The following PBX2 variants were observed in gnomAD, a reference collection of about 807,000 sequenced individuals.
PBX2 encodes the protein pre-B-cell leukemia transcription factor 2.
In PBX2, 10 loss-of-function variants were observed where a neutral mutation model predicts 46.5. The observed-to-expected ratio is 0.21, with a 90% CI of 0.13 to 0.36. The LOEUF (loss-of-function observed/expected upper bound fraction) is 0.36, where lower values mean the gene tolerates loss of function less well. Ranked by LOEUF, PBX2 falls within the 10% of genes least tolerant of loss-of-function variation. The pLI, the probability that PBX2 is intolerant of heterozygous loss-of-function variation, is 1.00. For synonymous variants in PBX2, 160 were observed against 222.5 expected, an observed-to-expected ratio of 0.72 and a Z score of 2.50; for missense variants, 392 against 580.5, an observed-to-expected ratio of 0.68 and a Z score of 3.34.
rs1400480365 is a variant in PBX2, at chr6:32,189,948, C to T, written c.-33G>A. On this transcript the variant is annotated 5_prime_UTR_variant, in exon 1 of 9. Transcript: ENST00000375050. This position sits in a 1 kb window ranked among gnomAD's most constrained non-coding sequence, Gnocchi z 4.7. Reference sequence around the variant, plus strand: ...GGGGGGCCCTGAGGCCCCCTCCCTGCTCCGCCCCTCCCCCCGCCTGGTTAC... The same window carrying T: ...GGGGGGCCCTGAGGCCCCCTCCCTGTTCCGCCCCTCCCCCCGCCTGGTTAC... 3.2e-6 allele frequency: 3 copies of T among 946,756 alleles called. No individual in the cohort carries two copies. The highest frequency in any genetic ancestry group is 4.4e-6 in the Non-Finnish European group (3 of 674,350). The allele number at this position is 946,756 out of a possible 1,614,324, so 58.6% of individuals were successfully genotyped here. A position where few individuals can be genotyped will look rare whatever the true frequency, so the allele number is the denominator to read the frequency against.
Position 32,186,914 on chromosome 6 carries a change from G to A in PBX2, c.1025-13C>T, listed in dbSNP as rs1347019627. The A allele has an allele frequency of 6.2e-7, 1 of 1,610,130 alleles. No individual in the cohort carries two copies. The highest frequency in any genetic ancestry group is 8.5e-7 in the Non-Finnish European group (1 of 1,177,360). The stretch of plus-strand genomic sequence containing the variant: ...GAGCCGCCAGAGCCTTGTGGGGGCA[G>A]AGAGGGAAGAGTGTAATAGAGCCCG... On this transcript the variant is annotated splice_polypyrimidine_tract_variant and intron_variant, in intron 6 of 8. Transcript: ENST00000375050. This position sits in a 1 kb window ranked among gnomAD's most constrained non-coding sequence, Gnocchi z 4.2.
Position 32,188,354 on chromosome 6 carries a change from C to G in PBX2, c.446G>C (p.Gly149Ala). The change falls in exon 3 of 9, where the codon GGT becomes GCT. Residue 149 changes from glycine (G) to alanine (A), a missense_variant. Gly to Ala is a moderately conservative substitution (Grantham distance 60). Around this residue, in one of 3 missense-constraint regions of PBX2, gnomAD observed 196 missense variants for 246.9 expected, o/e 0.79. Coordinates refer to ENST00000375050, the MANE Select transcript of PBX2 (RefSeq NM_002586.5). This position sits in a 1 kb window ranked among gnomAD's most constrained non-coding sequence, Gnocchi z 6.5. ...AAAAAAASGG[G>A]VSPDNSIEHS... The stretch of plus-strand genomic sequence containing the variant: ...TTCGATGGAGTTGTCAGGGGACACA[C>G]CACCACCAGAGGCTGCAGCGGCTGC... The G allele has an allele frequency of 4.3e-6, 7 of 1,614,198 alleles. No individual in the cohort carries two copies. Among genetic ancestry groups the G allele is most frequent in the Non-Finnish European group, 5.9e-6 (7 of 1,180,038 alleles).
In PBX2 at chr6:32,187,743, G is replaced by A; in HGVS notation, c.774C>T (p.Val258=). 1 of 1,612,500 alleles carries A rather than the reference G, an allele frequency of 6.2e-7. No homozygotes were observed. Among genetic ancestry groups the A allele is most frequent in the Non-Finnish European group, 8.5e-7 (1 of 1,179,826 alleles). The change falls in exon 5 of 9, where the codon GTC becomes GTT. Residue 258 remains valine (V), a synonymous_variant. Coordinates refer to ENST00000375050, the MANE Select transcript of PBX2 (RefSeq NM_002586.5). This position sits in a 1 kb window ranked among gnomAD's most constrained non-coding sequence, Gnocchi z 7.7. ...GGTGGGAGTAGAAATACTCATTTAG[G>A]ACCTCAGTGGCCTGTTTGCTGAAGT... is the stretch of plus-strand genomic sequence containing the variant. ...RRNFSKQATE[V]LNEYFYSHLS...
chr6:32,188,876 AGGAG>A lies in PBX2; in HGVS notation c.222-84_222-81del. ...GCAGGGGGCCTGAGAACAAGGAGGG[AGGAG>A]GGTCAGTCTGCGGAGGGAGGAAGCG... On this transcript the variant is annotated intron_variant, in intron 1 of 8. Transcript: ENST00000375050. This position sits in a 1 kb window ranked among gnomAD's most constrained non-coding sequence, Gnocchi z 6.5. 1.6e-6 allele frequency: 2 copies of A among 1,247,960 alleles called. No individual in the cohort carries two copies. The highest frequency in any genetic ancestry group is 4.7e-5 in the East Asian group (2 of 42,884). The allele number at this position is 1,247,960 out of a possible 1,614,324, so 77.3% of individuals were successfully genotyped here. A position where few individuals can be genotyped will look rare whatever the true frequency, so the allele number is the denominator to read the frequency against.
chr6:32,189,926 GGGC>G lies in PBX2; in HGVS notation c.-14_-12del. 1.7e-6 allele frequency: 2 copies of G among 1,195,782 alleles called. No homozygotes were observed. The highest frequency in any genetic ancestry group is 2.2e-6 in the Non-Finnish European group (2 of 892,840). 74.1% of individuals were successfully genotyped at this position (1,195,782 alleles called of 1,614,324 possible). A position where few individuals can be genotyped will look rare whatever the true frequency, so the allele number is the denominator to read the frequency against. On this transcript the variant is annotated 5_prime_UTR_variant, in exon 1 of 9. Coordinates refer to ENST00000375050, the MANE Select transcript of PBX2 (RefSeq NM_002586.5). The surrounding 1 kb of genome is among the most constrained non-coding windows in gnomAD (Gnocchi z 4.7). ...TAGCCGTTCGTCCATAGCTGGGGGGGGGCCCTGAGGCCCCCTCCCTGCTCCGCC... is the reference window on the plus strand; with the variant it reads ...TAGCCGTTCGTCCATAGCTGGGGGGGCCTGAGGCCCCCTCCCTGCTCCGCC...
At position 32,186,892 on chromosome 6, in the gene PBX2, C is replaced by T; in HGVS notation, c.1034G>A (p.Gly345Asp). The T allele has an allele frequency of 6.2e-7, 1 of 1,613,640 alleles. No homozygotes were observed. Among genetic ancestry groups the T allele is most frequent in the East Asian group, 2.2e-5 (1 of 44,884 alleles). The change falls in exon 7 of 9, where the codon GGC becomes GAC. Residue 345 changes from glycine (G) to aspartate (D), a missense_variant. Transcript: ENST00000375050. The surrounding 1 kb of genome is among the most constrained non-coding windows in gnomAD (Gnocchi z 4.2). ...PTPPSSAGSG[G>D]SFNLSGSGDM... ...TCCAGATCCTGAGAGATTGAAAGAG[C>T]CGCCAGAGCCTTGTGGGGGCAGAGA...
At position 32,189,317 on chromosome 6, in the gene PBX2, G is replaced by A. The variant is rs1402397984; in HGVS notation, c.221+378C>T. ...TAGGGGCTCTGGAGAGGGTGTGGAG[G>A]TCTCCACATCTGGAGAGAATGAGGG... On this transcript the variant is annotated intron_variant, in intron 1 of 8. Transcript: ENST00000375050. This position sits in a 1 kb window ranked among gnomAD's most constrained non-coding sequence, Gnocchi z 4.7. Among the ~76,000 whole-genome samples the A allele has an allele frequency of 6.6e-6, 1 of 151,968 alleles. No homozygotes were observed. The highest frequency in any genetic ancestry group is 1.5e-5 in the Non-Finnish European group (1 of 67,980).
Position 32,188,451 on chromosome 6 carries a change from G to A in PBX2, c.349C>T (p.Arg117Cys), listed in dbSNP as rs745957488. 5.0e-6 allele frequency: 8 copies of A among 1,613,914 alleles called. No homozygotes were observed. The highest frequency in any genetic ancestry group is 1.3e-5 in the African/African-American group (1 of 74,880). ...EEEPVDPQLM[R>C]LDNMLLAEGV... is the part of the protein sequence containing the mutation. ...TCTGCCAGAAGCATGTTGTCCAAGC[G>A]CATCAGCTGTGGGTCCACCGGCTCC... The change falls in exon 3 of 9, where the codon CGC becomes TGC. Residue 117 changes from arginine to cysteine, a missense_variant. Coordinates refer to ENST00000375050, the MANE Select transcript of PBX2 (RefSeq NM_002586.5). This position sits in a 1 kb window ranked among gnomAD's most constrained non-coding sequence, Gnocchi z 6.5.
chr6:32,187,912 G>A lies in PBX2; in HGVS notation c.734+54C>T. On this transcript the variant is annotated intron_variant, in intron 4 of 8. Coordinates refer to ENST00000375050, the MANE Select transcript of PBX2 (RefSeq NM_002586.5). The surrounding 1 kb of genome is among the most constrained non-coding windows in gnomAD (Gnocchi z 7.7). Reference sequence around the variant, plus strand: ...CAGCATGGCAGCTCAGGGTCTTGGAGAGGAATGGGAAGGAGCCCAGTGCTG... The same window carrying A: ...CAGCATGGCAGCTCAGGGTCTTGGAAAGGAATGGGAAGGAGCCCAGTGCTG... The A allele has an allele frequency of 6.6e-7, 1 of 1,521,674 alleles. No individual in the cohort carries two copies. Among genetic ancestry groups the A allele is most frequent in the Non-Finnish European group, 8.9e-7 (1 of 1,129,436 alleles). 94.3% of individuals were successfully genotyped at this position (1,521,674 alleles called of 1,614,324 possible).
chr6:32,189,777 C>T lies in PBX2; in HGVS notation c.139G>A (p.Gly47Ser). The change falls in exon 1 of 9, where the codon GGC (glycine) becomes AGC (serine). Residue 47 changes from glycine (G) to serine (S), a missense_variant. Physicochemically the swap from Gly to Ser is moderately conservative, Grantham distance 56. Transcript: ENST00000375050. This position sits in a 1 kb window ranked among gnomAD's most constrained non-coding sequence, Gnocchi z 4.7. The stretch of plus-strand genomic sequence containing the variant: ...TCCCCGATGTCTTGCTTCCCTCGGC[C>T]TCCCGGGACCCCCCCGCTACCCCCA... ...PGGGSGGVPG[G>S]RGKQDIGDIL... 1.9e-6 allele frequency: 3 copies of T among 1,604,928 alleles called. No homozygotes were observed. The highest frequency in any genetic ancestry group is 2.6e-6 in the Non-Finnish European group (3 of 1,175,976).
Position 32,186,351 on chromosome 6 carries a change from G to C in PBX2, c.*31C>G, listed in dbSNP as rs2078167. ...GTCCTCTTCAAGTCGCCTTGTGAGAGCCCCCACCCCTGTGACCCTGAGGGG... is the reference window on the plus strand; with the variant it reads ...GTCCTCTTCAAGTCGCCTTGTGAGACCCCCCACCCCTGTGACCCTGAGGGG... On this transcript the variant is annotated 3_prime_UTR_variant, in exon 9 of 9. Coordinates refer to ENST00000375050, the MANE Select transcript of PBX2 (RefSeq NM_002586.5). This position sits in a 1 kb window ranked among gnomAD's most constrained non-coding sequence, Gnocchi z 4.2. The C allele has an allele frequency of 6.7e-7, 1 of 1,486,022 alleles. No individual in the cohort carries two copies. Among genetic ancestry groups the C allele is most frequent in the Admixed American group, 1.7e-5 (1 of 58,980 alleles). The allele number at this position is 1,486,022 out of a possible 1,614,324, so 92.1% of individuals were successfully genotyped here.
chr6:32,189,711 C>G lies in PBX2; in HGVS notation c.205G>C (p.Asp69His). ...GGCACTCACTTGGCCTGGGCCTCGT[C>G]CAGGCTCTGGTCGGTGATGGTCATT... ...QIMTITDQSL[D>H]EAQAKKHALN... The change falls in exon 1 of 9, where the codon GAC (aspartate) becomes CAC (histidine). Residue 69 changes from aspartate (D) to histidine (H), a missense_variant. Asp to His is a moderately conservative substitution (Grantham distance 81). Coordinates refer to ENST00000375050, the MANE Select transcript of PBX2 (RefSeq NM_002586.5). The surrounding 1 kb of genome is among the most constrained non-coding windows in gnomAD (Gnocchi z 4.7). 6.2e-7 allele frequency: 1 copy of G among 1,609,768 alleles called. No individual in the cohort carries two copies. The highest frequency in any genetic ancestry group is 8.5e-7 in the Non-Finnish European group (1 of 1,178,168).
At position 32,185,851 on chromosome 6, in the gene PBX2, G is replaced by C. The variant is rs920146695; in HGVS notation, c.*531C>G. 1 of 154,302 alleles carries C rather than the reference G, an allele frequency of 6.5e-6. No homozygotes were observed. The highest frequency in any genetic ancestry group is 1.4e-5 in the Non-Finnish European group (1 of 69,334). 9.6% of individuals were successfully genotyped at this position (154,302 alleles called of 1,614,324 possible). ...TGCGTATGAGGTAAGTAAGCCGTCCGGAGGGGCGGGGGTGGGGATGCATGG... is the reference window on the plus strand; with the variant it reads ...TGCGTATGAGGTAAGTAAGCCGTCCCGAGGGGCGGGGGTGGGGATGCATGG... On this transcript the variant is annotated 3_prime_UTR_variant, in exon 9 of 9. Coordinates refer to ENST00000375050, the MANE Select transcript of PBX2 (RefSeq NM_002586.5).
Position 32,188,726 on chromosome 6 carries a change from T to C in PBX2, c.292A>G (p.Thr98Ala). The change falls in exon 2 of 9, where the codon ACT becomes GCT. Residue 98 changes from threonine to alanine, a missense_variant. Coordinates refer to ENST00000375050, the MANE Select transcript of PBX2 (RefSeq NM_002586.5). The surrounding 1 kb of genome is among the most constrained non-coding windows in gnomAD (Gnocchi z 6.5). ...FSVLCEIKEK[T>A]GLSIRSSQEE... ...AATCCGGGGGGGGCCCACATACCAG[T>C]TTTCTCCTTGATTTCACACAGGACG... 1.2e-6 allele frequency: 2 copies of C among 1,612,714 alleles called. No individual in the cohort carries two copies. The highest frequency in any genetic ancestry group is 1.7e-6 in the Non-Finnish European group (2 of 1,179,876).
Position 32,189,196 on chromosome 6 carries a change from G to A in PBX2, c.222-400C>T. 2.8e-6 allele frequency: 1 copy of A among 351,902 alleles called. No homozygotes were observed. The highest frequency in any genetic ancestry group is 3.4e-5 in the South Asian group (1 of 29,338). The allele number at this position is 351,902 out of a possible 1,614,324, so 21.8% of individuals were successfully genotyped here. A position where few individuals can be genotyped will look rare whatever the true frequency, so the allele number is the denominator to read the frequency against. On this transcript the variant is annotated intron_variant, in intron 1 of 8. Coordinates refer to ENST00000375050, the MANE Select transcript of PBX2 (RefSeq NM_002586.5). The surrounding 1 kb of genome is among the most constrained non-coding windows in gnomAD (Gnocchi z 4.7). ...GGGGCTGGGGGTGCCGAGCTAACTG[G>A]GGAGATCAGTGTAGGGTGTGTGAAG... is the stretch of plus-strand genomic sequence containing the variant.
At position 32,186,234 on chromosome 6, in the gene PBX2, C is replaced by G; in HGVS notation, c.*148G>C. ...CCTGCCATGTAATTAGCACCCCCAGCACAGAGAGTCTCGTTAGGGAGGGGA... is the reference window on the plus strand; with the variant it reads ...CCTGCCATGTAATTAGCACCCCCAGGACAGAGAGTCTCGTTAGGGAGGGGA... On this transcript the variant is annotated 3_prime_UTR_variant, in exon 9 of 9. Transcript: ENST00000375050. The surrounding 1 kb of genome is among the most constrained non-coding windows in gnomAD (Gnocchi z 4.2). The G allele has an allele frequency of 1.6e-6, 1 of 632,634 alleles. No homozygotes were observed. 39.2% of individuals were successfully genotyped at this position (632,634 alleles called of 1,614,324 possible).
Position 32,185,628 on chromosome 6 carries a change from A to G in PBX2, c.*754T>C, listed in dbSNP as rs1342466775. On this transcript the variant is annotated 3_prime_UTR_variant, in exon 9 of 9. Transcript: ENST00000375050. ...ATTAAGAACCACCACCACCACCACCACCAACAACAACAAAAACAACAACAA... is the reference window on the plus strand; with the variant it reads ...ATTAAGAACCACCACCACCACCACCGCCAACAACAACAAAAACAACAACAA... 6.6e-6 allele frequency: 1 copy of G among 150,672 alleles called. No individual in the cohort carries two copies. The highest frequency in any genetic ancestry group is 1.5e-5 in the Non-Finnish European group (1 of 67,752). The allele number at this position is 150,672 out of a possible 1,614,324, so 9.3% of individuals were successfully genotyped here. A position where few individuals can be genotyped will look rare whatever the true frequency, so the allele number is the denominator to read the frequency against.
chr6:32,188,843 GA>G lies in PBX2; in HGVS notation c.222-48del, dbSNP rs1228472357. ...GAAAGAGAAAAGTTGAGGAGCTAGA[GA>G]AACAGAGCAGGGGGCCTGAGAACAA... On this transcript the variant is annotated intron_variant, in intron 1 of 8. Coordinates refer to ENST00000375050, the MANE Select transcript of PBX2 (RefSeq NM_002586.5). The surrounding 1 kb of genome is among the most constrained non-coding windows in gnomAD (Gnocchi z 6.5). 6.4e-7 allele frequency: 1 copy of G among 1,553,754 alleles called. No homozygotes were observed. The highest frequency in any genetic ancestry group is 8.9e-7 in the Non-Finnish European group (1 of 1,126,410).
chr6:32,188,894 AG>A lies in PBX2; in HGVS notation c.222-99del, dbSNP rs1787270854. 2.9e-6 allele frequency: 3 copies of A among 1,045,446 alleles called. No homozygotes were observed. The Admixed American group carries it at 5.2e-5, about 18-fold the overall frequency. 64.8% of individuals were successfully genotyped at this position (1,045,446 alleles called of 1,614,324 possible). A position where few individuals can be genotyped will look rare whatever the true frequency, so the allele number is the denominator to read the frequency against. ...AGGAGGGAGGAGGGTCAGTCTGCGG[AG>A]GGAGGAAGCGGATTGGGGGTGGAAT... On this transcript the variant is annotated intron_variant, in intron 1 of 8. Coordinates refer to ENST00000375050, the MANE Select transcript of PBX2 (RefSeq NM_002586.5). This position sits in a 1 kb window ranked among gnomAD's most constrained non-coding sequence, Gnocchi z 6.5.
Sources: allele counts gnomAD v4.1 joint callset (sites outside exome capture counted in the v4.1 genomes callset), GRCh38; gene constraint gnomAD v4.1.1; regional missense constraint gnomAD v4.1.1; non-coding constraint Gnocchi (gnomAD v3.1); transcripts MANE v1.5; gene names NCBI Gene and HGNC (gene_info 2026-07-23, HGNC 2026-07-21).